Variants in GPR158 observed in about 807,000 individuals in gnomAD.
GPR158 encodes metabotropic glycine receptor.
Under a neutral mutation model 78.2 loss-of-function variants are expected in GPR158, and 30 were observed. The observed-to-expected ratio is 0.38, with a 90% CI of 0.29 to 0.52. GPR158 has a LOEUF of 0.52. Among genes scored for constraint, GPR158 ranks in the 20% least tolerant of loss-of-function variants. GPR158 has a pLI of 0.83. For missense variants in GPR158, 1,463 were observed against 1,523.5 expected, an observed-to-expected ratio of 0.96 and a Z score of 0.66; for synonymous variants, 581 against 591.1, an observed-to-expected ratio of 0.98 and a Z score of 0.25.
At chr10:25,337,967 A>T (rs776990125) in intron 2 of GPR158, among the ~76,000 whole-genome samples, 10 of 151,900 alleles carry the variant, frequency 6.6e-5, no homozygotes, top group Non-Finnish European at 1.0e-4. Flanking sequence ...ACTGTTTTTT[A>T]AAATGCCTTT....
intron 1 of GPR158, among the ~76,000 whole-genome samples, chr10:25,192,453 G>A (rs1852784987): frequency 6.6e-6 from 1 of 152,168 alleles, no homozygotes; most frequent in Non-Finnish European, 1.5e-5. Flanking sequence ...CATGGGAATA[G>A]TGTCTAGGAG....
chr10:25,309,344 T>A (rs1437250463), intron 2 of GPR158, among the ~76,000 whole-genome samples: 1 of 152,194 alleles, frequency 6.6e-6, no homozygotes, highest in Non-Finnish European at 1.5e-5. Context: ...ATTGGCCATT[T>A]GTATATCTTC....
intron 5 of GPR158, among the ~76,000 whole-genome samples, chr10:25,505,902 C>T (rs1024803819): frequency 4.6e-5 from 7 of 152,232 alleles, no homozygotes; most frequent in African/African-American, 1.7e-4. Flanking sequence ...CTGTGCATGT[C>T]CTTCTACCAG....
At chr10:25,269,015 T>C (rs1854080948) in intron 2 of GPR158, among the ~76,000 whole-genome samples, 2 of 152,204 alleles carry the variant, frequency 1.3e-5, no homozygotes, top group Non-Finnish European at 2.9e-5. Context: ...CAAATTCTTC[T>C]TGTCTCATTT....
intron 2 of GPR158, among the ~76,000 whole-genome samples, chr10:25,330,736 T>A (rs2130491656): frequency 6.6e-6 from 1 of 152,310 alleles, no homozygotes; most frequent in Admixed American, 6.5e-5. Flanking sequence ...CATTGACATT[T>A]GAATGGTTAA....
At chr10:25,595,577 G>A (rs1029752785) in intron 9 of GPR158, among the ~76,000 whole-genome samples, 6 of 152,156 alleles carry the variant, frequency 3.9e-5, no homozygotes, top group Non-Finnish European at 8.8e-5. Flanking sequence ...CAGTAAAAAT[G>A]AATGAAGTTC....
At chr10:25,188,209 C>G (rs997807120) in intron 1 of GPR158, among the ~76,000 whole-genome samples, 5 of 152,072 alleles carry the variant, frequency 3.3e-5, no homozygotes, top group Non-Finnish European at 7.3e-5. Context: ...CCATACTGCC[C>G]CAGGTAAATT....
At chr10:25,227,579 T>C (rs1853391401) in intron 2 of GPR158, among the ~76,000 whole-genome samples, 1 of 152,218 alleles carries the variant, frequency 6.6e-6, no homozygotes, top group South Asian at 2.1e-4. Flanking sequence ...TAATTTTTCT[T>C]CTTATTATTA....
intron 2 of GPR158, among the ~76,000 whole-genome samples, chr10:25,251,994 T>G (rs1264410550): frequency 6.6e-6 from 1 of 151,822 alleles, no homozygotes; most frequent in African/African-American, 2.4e-5. Flanking sequence ...CCCATATTTC[T>G]TGGAGGCTTT....
At chr10:25,376,887 G>A (rs1474289678) in intron 2 of GPR158, among the ~76,000 whole-genome samples, 2 of 151,302 alleles carry the variant, frequency 1.3e-5, no homozygotes, top group Non-Finnish European at 3.0e-5. Flanking sequence ...TTTGATTTAT[G>A]TATATAACAT....
At chr10:25,345,195 G>A (rs1855356629) in intron 2 of GPR158, among the ~76,000 whole-genome samples, 1 of 151,850 alleles carries the variant, frequency 6.6e-6, no homozygotes, top group South Asian at 2.1e-4. Flanking sequence ...GGTCTTGTCC[G>A]GCAACATTCG....
At chr10:25,233,850 G>A (rs1853487176) in intron 2 of GPR158, among the ~76,000 whole-genome samples, 2 of 152,150 alleles carry the variant, frequency 1.3e-5, no homozygotes, top group African/African-American at 2.4e-5. Context: ...CAGTTGTCTT[G>A]TAGTAAGTCT....
intron 2 of GPR158, among the ~76,000 whole-genome samples, chr10:25,371,387 C>T (rs955076844): frequency 2.3e-4 from 35 of 151,410 alleles, no homozygotes; most frequent in South Asian, 4.2e-4. Context: ...CTAAAGAGCC[C>T]GCATCGCCAT....
At chr10:25,211,726 A>G (rs1320708511) in intron 1 of GPR158, among the ~76,000 whole-genome samples, 2 of 152,162 alleles carry the variant, frequency 1.3e-5, no homozygotes, top group African/African-American at 2.4e-5. Flanking sequence ...ATCAACTACT[A>G]TATAATTTTA....
At chr10:25,501,619 C>G (rs1435077810) in intron 5 of GPR158, among the ~76,000 whole-genome samples, 1 of 152,136 alleles carries the variant, frequency 6.6e-6, no homozygotes, top group African/African-American at 2.4e-5. Context: ...TGGGGCTGCA[C>G]CCCACATGAA....
Position 25,271,671 on chromosome 10 carries a change from A to C in GPR158, c.1008+50514A>C, listed in dbSNP as rs372644363. Reference sequence around the variant, plus strand: ...CTATGCCAGCGCATATAACTTAGAAACATTTTTGAGATGGAGTTTCCTTCT... The same window carrying C: ...CTATGCCAGCGCATATAACTTAGAACCATTTTTGAGATGGAGTTTCCTTCT... On this transcript the variant is annotated intron_variant, in intron 2 of 10. Coordinates refer to ENST00000376351, the MANE Select transcript of GPR158 (RefSeq NM_020752.3). Among the ~76,000 whole-genome samples the C allele has an allele frequency of 4.7e-4, 72 of 152,292 alleles. 1 individual carries two copies. The highest frequency in any genetic ancestry group is 1.6e-3 in the African/African-American group (68 of 41,564).
chr10:25,566,798 A>G (rs1421015653), intron 6 of GPR158, among the ~76,000 whole-genome samples: 1 of 132,264 alleles, frequency 7.6e-6, no homozygotes, highest in Non-Finnish European at 1.5e-5. Flanking sequence ...ACTGACCAAG[A>G]AGTAACTTTA....
rs61353300 is a variant in GPR158 at position 25,241,268 on chromosome 10, T to C, written c.1008+20111T>C. Among the ~76,000 whole-genome samples, 269 of 117,414 alleles carry C rather than the reference T, an allele frequency of 2.3e-3. 7 individuals carry two copies. Among genetic ancestry groups the C allele is most frequent in the African/African-American group, 8.9e-3 (246 of 27,496 alleles). The allele number at this position is 117,414 out of a possible 152,430, so 77.0% of individuals were successfully genotyped here. A position where few individuals can be genotyped will look rare whatever the true frequency, so the allele number is the denominator to read the frequency against. ...TTCTTTCCTTTCTTTCCTTTCTTTC[T>C]TTCCTTTCTTTCTTTCTTTTCTTTT... On this transcript the variant is annotated intron_variant, in intron 2 of 10. Transcript: ENST00000376351.
At chr10:25,402,377 A>G (rs529913562) in intron 3 of GPR158, among the ~76,000 whole-genome samples, 1 of 152,262 alleles carries the variant, frequency 6.6e-6, no homozygotes, top group East Asian at 1.9e-4. Flanking sequence ...TAGATGGAGA[A>G]AAGTAGCCGC....
Sources: allele counts gnomAD v4.1 joint callset (sites outside exome capture counted in the v4.1 genomes callset), GRCh38; gene constraint gnomAD v4.1.1; transcripts MANE v1.5; gene names NCBI Gene and HGNC (gene_info 2026-07-23, HGNC 2026-07-21).